ZBTB8OS: variants seen among roughly 807,000 people sequenced by gnomAD.
The protein encoded by ZBTB8OS is tRNA splicing ligase complex subunit 1, also known as tRNA-splicing ligase-activating factor archease.
In ZBTB8OS, 16 loss-of-function variants were observed where a neutral mutation model predicts 29.3. The ratio of observed to expected loss-of-function variants is 0.55; its 90% confidence interval spans 0.37 to 0.83. ZBTB8OS has a LOEUF of 0.83. Among genes scored for constraint, ZBTB8OS ranks in the 40% least tolerant of loss-of-function variants. ZBTB8OS has a pLI of 0.00. For synonymous variants in ZBTB8OS, 70 were observed against 64.6 expected, an observed-to-expected ratio of 1.08 and a Z score of -0.40; for missense variants, 160 against 196.9, an observed-to-expected ratio of 0.81 and a Z score of 1.12.
intron 1 of ZBTB8OS, among the ~76,000 whole-genome samples, chr1:32,649,100 T>G (rs1160888905): frequency 1.3e-5 from 2 of 150,884 alleles, no homozygotes; most frequent in Non-Finnish European, 2.9e-5. Flanking sequence ...CCCGAGTAGC[T>G]GGGATTACAG....
chr1:32,647,266 CA>C (rs71006348), intron 1 of ZBTB8OS, among the ~76,000 whole-genome samples: 2 of 134,552 alleles, frequency 1.5e-5, no homozygotes, highest in African/African-American at 6.1e-5. Flanking sequence ...TACTCTGTCT[CA>C]AAAAAAAAAA....
chr1:32,650,570 C>T (rs559493031), upstream of ZBTB8OS: 1 of 1,613,802 alleles, frequency 6.2e-7, no homozygotes, highest in African/African-American at 1.3e-5. Context: ...CTTCATCCAC[C>T]GGACTTCGGC....
intron 1 of ZBTB8OS, among the ~76,000 whole-genome samples, chr1:32,638,916 AAAT>A (rs1434821228): frequency 6.6e-6 from 1 of 151,944 alleles, no homozygotes; most frequent in African/African-American, 2.4e-5. Context: ...TCCATCTAAA[AAAT>A]AATAATAACA....
Position 32,650,267 on chromosome 1 carries a change from C to T in ZBTB8OS, c.97+166G>A, listed in dbSNP as rs1452768949. 4.4e-6 allele frequency: 4 copies of T among 914,262 alleles called. No individual in the cohort carries two copies. The African/African-American group carries it at 5.0e-5, about 12-fold the overall frequency. 56.6% of individuals were successfully genotyped at this position (914,262 alleles called of 1,614,324 possible). A position where few individuals can be genotyped will look rare whatever the true frequency, so the allele number is the denominator to read the frequency against. On this transcript the variant is annotated intron_variant, in intron 1 of 6. Coordinates refer to ENST00000468695, the MANE Select transcript of ZBTB8OS (RefSeq NM_178547.5). ...TATTAAACCAGGTGGCTTTTTCCTT[C>T]AGCATCCCCAGGAGAAGTACGAACG...
rs529386248 is a variant in ZBTB8OS, at chr1:32,632,760, C to A, written c.328-881G>T. On this transcript the variant is annotated intron_variant, in intron 4 of 6. Coordinates refer to ENST00000468695, the MANE Select transcript of ZBTB8OS (RefSeq NM_178547.5). Reference sequence around the variant, plus strand: ...TCTCTGCAAGATATATGGTAGAGAACTACTCTGGGCACACAGGGGCAGTAC... The same window carrying A: ...TCTCTGCAAGATATATGGTAGAGAAATACTCTGGGCACACAGGGGCAGTAC... Among the ~76,000 whole-genome samples the A allele has an allele frequency of 2.5e-3, 381 of 152,222 alleles. 2 individuals are homozygous for A. The highest frequency in any genetic ancestry group is 8.8e-3 in the African/African-American group (365 of 41,528).
intron 1 of ZBTB8OS, among the ~76,000 whole-genome samples, chr1:32,648,745 GCCTCCC>G (rs1647042769): frequency 6.8e-6 from 1 of 146,928 alleles, no homozygotes; most frequent in Non-Finnish European, 1.5e-5. Context: ...TGCAACCTCC[GCCTCCC>G]AGGTTCAAGC....
intron 1 of ZBTB8OS, among the ~76,000 whole-genome samples, chr1:32,646,661 A>T (rs950203427): frequency 2.0e-5 from 3 of 149,126 alleles, no homozygotes; most frequent in South Asian, 2.1e-4. Context: ...TCAAATGTAT[A>T]AAAAAAAAAT....
intron 6 of ZBTB8OS, 128 bp downstream of exon 6, chr1:32,627,380 G>T: frequency 1.3e-6 from 1 of 789,862 alleles, no homozygotes; most frequent in Non-Finnish European, 2.1e-6. Flanking sequence ...ATCCAGACAG[G>T]TCAGAGAAGC....
chr1:32,633,286 T>C (rs1198656105), intron 4 of ZBTB8OS: 16 of 185,892 alleles, frequency 8.6e-5, no homozygotes, highest in Admixed American at 7.6e-4. Context: ...CTTTGCAAAA[T>C]TGAGGCAGGA....
At chr1:32,640,685 T>G (rs981654546) in intron 1 of ZBTB8OS, among the ~76,000 whole-genome samples, 20 of 152,084 alleles carry the variant, frequency 1.3e-4, no homozygotes, top group African/African-American at 3.6e-4. Flanking sequence ...CTAGTTAATG[T>G]TTTGTAAGAG....
intron 3 of ZBTB8OS, 56 bp downstream of exon 3, chr1:32,633,895 G>A: frequency 6.6e-7 from 1 of 1,520,778 alleles, no homozygotes; most frequent in Non-Finnish European, 8.8e-7. Context: ...GTAGAATACT[G>A]CACAATTCTA....
chr1:32,648,340 G>C (rs1647010188), intron 1 of ZBTB8OS, among the ~76,000 whole-genome samples: 1 of 152,166 alleles, frequency 6.6e-6, no homozygotes, highest in South Asian at 2.1e-4. Flanking sequence ...AAATGTAGGA[G>C]TCTTAGCAAT....
At chr1:32,649,668 A>ACT (rs1491538426) in intron 1 of ZBTB8OS, among the ~76,000 whole-genome samples, 3 of 31,128 alleles carry the variant, frequency 9.6e-5, no homozygotes. Context: ...ACACACACAC[A>ACT]TTTTTTTTTT....
chr1:32,650,587 T>G, upstream of ZBTB8OS: 1 of 1,613,566 alleles, frequency 6.2e-7, no homozygotes, highest in South Asian at 1.1e-5. Flanking sequence ...CGGCCCGGAG[T>G]TACTACTTCC....
At chr1:32,649,873 A>G (rs1647187626) in intron 1 of ZBTB8OS, among the ~76,000 whole-genome samples, 1 of 152,120 alleles carries the variant, frequency 6.6e-6, no homozygotes, top group Non-Finnish European at 1.5e-5. Flanking sequence ...CATGTTGGTC[A>G]GGCTGATCTC....
At chr1:32,632,595 G>GT (rs927475406) in intron 4 of ZBTB8OS, among the ~76,000 whole-genome samples, 31 of 151,534 alleles carry the variant, frequency 2.0e-4, no homozygotes, top group East Asian at 1.9e-4. Context: ...TTGTTTTTTT[G>GT]TTTTTTTTGA....
intron 5 of ZBTB8OS, among the ~76,000 whole-genome samples, chr1:32,629,805 T>G (rs1164811724): frequency 6.9e-6 from 1 of 144,486 alleles, no homozygotes; most frequent in Non-Finnish European, 1.5e-5. Flanking sequence ...CAGGCTGGAG[T>G]GCAGTGGCAC....
rs140338927 is a variant in ZBTB8OS at position 32,650,537 on chromosome 1, G to T, written c.-8C>A. The T allele has an allele frequency of 1.9e-6, 3 of 1,614,134 alleles. No homozygotes were observed. The highest frequency in any genetic ancestry group is 1.7e-6 in the Non-Finnish European group (2 of 1,180,022). On this transcript the variant is annotated 5_prime_UTR_variant, in exon 1 of 7. It adds an upstream start codon to the 5' untranslated region. Transcript: ENST00000468695. ...TTCCTCTTCCTGCGCCATGACTGCA[G>T]GATTAGACACTCTACTTCCGCCCTT...
At chr1:32,634,585 T>C in intron 2 of ZBTB8OS, 183 bp downstream of exon 2, 1 of 676,576 alleles carries the variant, frequency 1.5e-6, no homozygotes, top group Non-Finnish European at 2.6e-6. Flanking sequence ...TGGGGTGCAG[T>C]GGTGCAATCT....
Sources: gnomAD v4.1 joint callset for allele counts (sites outside exome capture counted in the v4.1 genomes callset) on GRCh38, gnomAD v4.1.1 for gene constraint, MANE v1.5 for transcripts, NCBI Gene and HGNC (gene_info 2026-07-23, HGNC 2026-07-21) for gene names.